CYP11B1: variants seen among roughly 807,000 people sequenced by gnomAD.
CYP11B1 encodes the protein cytochrome P450 11B1, mitochondrial.
A neutral mutation model predicts 48.3 loss-of-function variants in CYP11B1; 34 were observed. The observed-to-expected ratio is 0.70, with a 90% CI of 0.54 to 0.94. The LOEUF is 0.94. CYP11B1 is among the 40% of genes least tolerant of loss of function. The probability of loss-of-function intolerance (pLI) is 0.00; values close to 1 mark genes in which losing one functional copy is unlikely to be tolerated. For missense variants in CYP11B1, 688 were observed against 657.4 expected (o/e 1.05, Z -0.51); for synonymous variants, 291 against 262.5 (o/e 1.11, Z -1.05).
In CYP11B1 at chr8:142,879,298, C is replaced by T. The variant is rs570912084; in HGVS notation, c.240-111G>A. The stretch of plus-strand genomic sequence containing the variant: ...TCCACCCTCCCCTCTCCTGGATTAG[C>T]GGCTTCACAGCTAAAGCCCTCTTGC... On this transcript the variant is annotated intron_variant, in intron 1 of 8. Transcript: ENST00000292427. 3.9e-5 allele frequency: 63 copies of T among 1,606,864 alleles called. No individual in the cohort carries two copies. The East Asian group carries it at 1.0e-3, about 27-fold the overall frequency.
In CYP11B1 at chr8:142,875,129, G is replaced by A; in HGVS notation, c.1226C>T (p.Ser409Phe). The change falls in exon 8 of 9, where the codon TCT becomes TTT. Residue 409 changes from serine (S) to phenylalanine (F), a missense_variant. Ser to Phe is a radical substitution (Grantham distance 155). Transcript: ENST00000292427. ...GAACAAGGCGGGGTTGCGACCCAGA[G>A]AGTAGAGGAACACGCGCACCAATGT... is the stretch of plus-strand genomic sequence containing the variant. ...AGTLVRVFLY[S>F]LGRNPALFPR... 1.2e-6 allele frequency: 2 copies of A among 1,614,268 alleles called. No homozygotes were observed. The highest frequency in any genetic ancestry group is 1.7e-6 in the Non-Finnish European group (2 of 1,180,044).
chr8:142,876,668 G>T lies in CYP11B1; in HGVS notation c.799+14C>A, dbSNP rs1450885232. The T allele has an allele frequency of 1.2e-6, 2 of 1,601,454 alleles. No homozygotes were observed. Among genetic ancestry groups the T allele is most frequent in the East Asian group, 2.3e-5 (1 of 43,824 alleles). ...GTCCCTTCCCCATAGCACTGCCCGGGTCCCTGGCCTCACCGTACTGGAAGA... is the reference window on the plus strand; with the variant it reads ...GTCCCTTCCCCATAGCACTGCCCGGTTCCCTGGCCTCACCGTACTGGAAGA... On this transcript the variant is annotated intron_variant, in intron 4 of 8. Coordinates refer to ENST00000292427, the MANE Select transcript of CYP11B1 (RefSeq NM_000497.4).
intron 2 of CYP11B1, among the ~76,000 whole-genome samples, chr8:142,877,519 C>T (rs1443042489): frequency 6.6e-6 from 1 of 152,234 alleles, no homozygotes; most frequent in Non-Finnish European, 1.5e-5. Flanking sequence ...ACCACCTCAC[C>T]CATGCAGGCC....
At chr8:142,879,391 G>T in intron 1 of CYP11B1, 184 bp downstream of exon 1, 6 of 1,611,348 alleles carry the variant, frequency 3.7e-6, no homozygotes, top group South Asian at 1.1e-5. Flanking sequence ...GCTGGGATTT[G>T]CTCTGCACCA....
intron 3 of CYP11B1, 54 bp downstream of exon 3, chr8:142,876,969 C>G: frequency 3.7e-6 from 6 of 1,612,230 alleles, no homozygotes; most frequent in Middle Eastern, 3.3e-4. Flanking sequence ...CCCCCATCCC[C>G]GTCCCTGGCC....
intron 2 of CYP11B1, among the ~76,000 whole-genome samples, chr8:142,878,127 C>T (rs536462125): frequency 6.6e-6 from 1 of 152,312 alleles, no homozygotes; most frequent in East Asian, 1.9e-4. Context: ...ACAGCATGTG[C>T]ACAGATGCAA....
intron 6 of CYP11B1, 105 bp downstream of exon 6, chr8:142,875,607 T>C (rs1816912821): frequency 7.7e-7 from 1 of 1,295,088 alleles, no homozygotes; most frequent in African/African-American, 1.5e-5. Flanking sequence ...AATGGGCTGC[T>C]GGGTGACGCT....
At chr8:142,878,910 T>C in intron 2 of CYP11B1, 122 bp downstream of exon 2, 1 of 1,449,812 alleles carries the variant, frequency 6.9e-7, no homozygotes, top group East Asian at 2.5e-5. Context: ...CTGGGTCGGG[T>C]GCTCACCCTC....
intron 2 of CYP11B1, among the ~76,000 whole-genome samples, chr8:142,878,083 CACA>C (rs1358106604): frequency 5.3e-5 from 8 of 152,110 alleles, no homozygotes; most frequent in South Asian, 2.1e-4. Flanking sequence ...CGCATGCACA[CACA>C]ACACGTGCAA....
At position 142,874,483 on chromosome 8, in the gene CYP11B1, G is replaced by A. The variant is rs750232071; in HGVS notation, c.1402C>T (p.Leu468=). 6.2e-7 allele frequency: 1 copy of A among 1,609,044 alleles called. No individual in the cohort carries two copies. Among genetic ancestry groups the A allele is most frequent in the Admixed American group, 1.7e-5 (1 of 60,008 alleles). Reference sequence around the variant, plus strand: ...AGTGTCTCCACCTGGAGGTGTTTCAGCACCTAGGACAGAAGCCGGGTTTCC... The same window carrying A: ...AGTGTCTCCACCTGGAGGTGTTTCAACACCTAGGACAGAAGCCGGGTTTCC... ...AEMLLLLHHV[L]KHLQVETLTQ... is the part of the protein sequence containing the mutation. The change falls in exon 9 of 9, where the codon CTG becomes TTG. Residue 468 remains leucine, a synonymous_variant. Transcript: ENST00000292427.
At position 142,874,328 on chromosome 8, in the gene CYP11B1, A is replaced by C. The variant is rs1233087771; in HGVS notation, c.*45T>G. Reference sequence around the variant, plus strand: ...AGGGGTGGCCTGGGGTCAGGCAGAAAGGGAGGCTGGTGGCCAGGCTGGGAC... The same window carrying C: ...AGGGGTGGCCTGGGGTCAGGCAGAACGGGAGGCTGGTGGCCAGGCTGGGAC... On this transcript the variant is annotated 3_prime_UTR_variant, in exon 9 of 9. Coordinates refer to ENST00000292427, the MANE Select transcript of CYP11B1 (RefSeq NM_000497.4). 7.2e-7 allele frequency: 1 copy of C among 1,387,222 alleles called. No homozygotes were observed. Among genetic ancestry groups the C allele is most frequent in the African/African-American group, 1.4e-5 (1 of 70,510 alleles). 85.9% of individuals were successfully genotyped at this position (1,387,222 alleles called of 1,614,324 possible).
Position 142,874,294 on chromosome 8 carries a change from G to T in CYP11B1, c.*79C>A. 2 of 956,840 alleles carry T rather than the reference G, an allele frequency of 2.1e-6. No homozygotes were observed. The highest frequency in any genetic ancestry group is 3.4e-6 in the Non-Finnish European group (2 of 580,844). The allele number at this position is 956,840 out of a possible 1,614,324, so 59.3% of individuals were successfully genotyped here. A position where few individuals can be genotyped will look rare whatever the true frequency, so the allele number is the denominator to read the frequency against. On this transcript the variant is annotated 3_prime_UTR_variant, in exon 9 of 9. Transcript: ENST00000292427. Reference sequence around the variant, plus strand: ...GGTGACTCAGGAAGCTGTGCATGTGGGAGAGAAGAGGGGTGGCCTGGGGTC... The same window carrying T: ...GGTGACTCAGGAAGCTGTGCATGTGTGAGAGAAGAGGGGTGGCCTGGGGTC...
In CYP11B1 at chr8:142,875,012, C is replaced by T. The variant is rs28934586; in HGVS notation, c.1343G>A (p.Arg448His). The T allele has an allele frequency of 2.7e-5, 44 of 1,614,100 alleles. No homozygotes were observed. Among genetic ancestry groups the T allele is most frequent in the Non-Finnish European group, 3.6e-5 (42 of 1,180,064 alleles). The change falls in exon 8 of 9, where the codon CGC (arginine) becomes CAC (histidine). Residue 448 changes from arginine (R) to histidine (H), a missense_variant. Transcript: ENST00000292427. Reference protein sequence around the residue: ...FYHVPFGFGMRQCLGRRLAEA... With the variant: ...FYHVPFGFGMHQCLGRRLAEA... The stretch of plus-strand genomic sequence containing the variant: ...TGCCAGGCGCCGCCCAAGGCACTGG[C>T]GCATGCCAAAGCCAAAGGGCACGTG...
In CYP11B1 at chr8:142,875,143, G is replaced by C. The variant is rs4998897; in HGVS notation, c.1212C>G (p.Arg404=). The change falls in exon 8 of 9, where the codon CGC becomes CGG. Residue 404 remains arginine, a synonymous_variant. Transcript: ENST00000292427. ...TGCGACCCAGAGAGTAGAGGAACAC[G>C]CGCACCAATGTCTGCGGACGGTGCA... ...NYHIPAGTLV[R]VFLYSLGRNP... The C allele has an allele frequency of 5.6e-6, 9 of 1,614,128 alleles. No individual in the cohort carries two copies. The highest frequency in any genetic ancestry group is 7.6e-6 in the Non-Finnish European group (9 of 1,180,042).
At chr8:142,878,456 G>A (rs1473486199) in intron 2 of CYP11B1, among the ~76,000 whole-genome samples, 1 of 152,134 alleles carries the variant, frequency 6.6e-6, no homozygotes, top group African/African-American at 2.4e-5. Flanking sequence ...CCCTCTGCAC[G>A]GGCCAGGAAA....
At position 142,876,745 on chromosome 8, in the gene CYP11B1, G is replaced by A. The variant is rs777913851; in HGVS notation, c.736C>T (p.Arg246Cys). The change falls in exon 4 of 9, where the codon CGC becomes TGC. Residue 246 changes from arginine to cysteine, a missense_variant. Transcript: ENST00000292427. ...QLMFMPRSLS[R>C]WTSPKVWKEH... is the part of the protein sequence containing the mutation. ...TTCCACACCTTGGGGCTGGTCCAGCGAGACAGGCTCCTGGGCATGAACATG... is the reference window on the plus strand; with the variant it reads ...TTCCACACCTTGGGGCTGGTCCAGCAAGACAGGCTCCTGGGCATGAACATG... 6.2e-5 allele frequency: 100 copies of A among 1,614,078 alleles called. No individual in the cohort carries two copies. Among genetic ancestry groups the A allele is most frequent in the Admixed American group, 1.2e-4 (7 of 60,018 alleles).
intron 5 of CYP11B1, 162 bp downstream of exon 5, chr8:142,876,079 G>A (rs1816937283): frequency 8.4e-7 from 1 of 1,190,602 alleles, no homozygotes; most frequent in East Asian, 2.5e-5. Context: ...TTCCAACCAT[G>A]GCAACCTGCA....
At chr8:142,875,396 G>A (rs61752790) in intron 6 of CYP11B1, 84 bp from the exon 7 acceptor site, 10 of 1,419,480 alleles carry the variant, frequency 7.0e-6, no homozygotes, top group African/African-American at 1.4e-5. Flanking sequence ...CGAAGAACCC[G>A]CAGAGGTCCC....
chr8:142,873,363 G>C lies in CYP11B1; in HGVS notation c.*1010C>G, dbSNP rs1380477209. The stretch of plus-strand genomic sequence containing the variant: ...TTCCTCTCCCTGCACGGGAGCACTG[G>C]GGAGTGGCCAGTTCAGGAGGGGTCA... On this transcript the variant is annotated 3_prime_UTR_variant, in exon 9 of 9. Coordinates refer to ENST00000292427, the MANE Select transcript of CYP11B1 (RefSeq NM_000497.4). 2.6e-5 allele frequency: 4 copies of C among 152,240 alleles called. No individual in the cohort carries two copies. Among genetic ancestry groups the C allele is most frequent in the Non-Finnish European group, 4.4e-5 (3 of 68,060 alleles). 9.4% of individuals were successfully genotyped at this position (152,240 alleles called of 1,614,324 possible).
Sources: gnomAD v4.1 joint callset for allele counts (sites outside exome capture counted in the v4.1 genomes callset) on GRCh38, gnomAD v4.1.1 for gene constraint, MANE v1.5 for transcripts, NCBI Gene and HGNC (gene_info 2026-07-23, HGNC 2026-07-21) for gene names.